CDH8: variants seen among roughly 807,000 people sequenced by gnomAD.
CDH8 encodes the protein cadherin-8.
CDH8 carries 17 observed loss-of-function variants against 68.1 expected under a neutral mutation model. The ratio of observed to expected loss-of-function variants is 0.25; its 90% CI spans 0.17 to 0.37. The LOEUF is 0.37. Among genes scored for constraint, CDH8 ranks in the 10% least tolerant of loss-of-function variants. CDH8 has a pLI of 1.00. For synonymous variants in CDH8, 372 were observed against 365.1 expected (o/e 1.02, Z -0.21); for missense variants, 763 against 999.3 (o/e 0.76, Z 3.19).
intron 7 of CDH8, among the ~76,000 whole-genome samples, chr16:61,808,372 TA>T (rs1433638309): frequency 6.6e-6 from 1 of 151,974 alleles, no homozygotes; most frequent in Non-Finnish European, 1.5e-5. Flanking sequence ...AAATTTATAA[TA>T]AAACCATGAA....
intron 3 of CDH8, among the ~76,000 whole-genome samples, chr16:61,862,690 T>C (rs1301385046): frequency 2.6e-5 from 4 of 152,168 alleles, no homozygotes; most frequent in African/African-American, 9.7e-5. Context: ...AAATGGATGT[T>C]TCGAGGTTAA....
Position 61,653,939 on chromosome 16 carries a change from C to T in CDH8, c.2069G>A (p.Gly690Glu). The T allele has an allele frequency of 1.9e-6, 3 of 1,614,164 alleles. No individual in the cohort carries two copies. Among genetic ancestry groups the T allele is most frequent in the South Asian group, 1.1e-5 (1 of 91,088 alleles). The change falls in exon 12 of 12, where the codon GGA becomes GAA. Residue 690 changes from glycine (G) to glutamate (E), a missense_variant. Physicochemically the swap from Gly to Glu is moderately conservative, Grantham distance 98 (BLOSUM62 -2). Around this residue, in one of 2 missense-constraint regions of CDH8, gnomAD observed 397 missense variants for 436.2 expected, o/e 0.91. Coordinates refer to ENST00000577390, the MANE Select transcript of CDH8 (RefSeq NM_001796.5). ...FDIATLQNPD[G>E]INGFLPRKDI... Reference sequence around the variant, plus strand: ...CTTACGGGGTAAAAATCCATTAATTCCATCTGGATTTTGTAAAGTTGCAAT... The same window carrying T: ...CTTACGGGGTAAAAATCCATTAATTTCATCTGGATTTTGTAAAGTTGCAAT...
chr16:61,973,963 C>T (rs1278217241), intron 2 of CDH8, among the ~76,000 whole-genome samples: 1 of 152,172 alleles, frequency 6.6e-6, no homozygotes, highest in Non-Finnish European at 1.5e-5. Flanking sequence ...ATCTAGTGAT[C>T]ACTAACCCTG....
At position 61,650,219 on chromosome 16, in the gene CDH8, T is replaced by C. The variant is rs139838154; in HGVS notation, c.*3389A>G. 1.7e-3 allele frequency: 257 copies of C among 152,224 alleles called. 1 individual carries two copies. Among genetic ancestry groups the C allele is most frequent in the African/African-American group, 6.0e-3 (248 of 41,548 alleles). 9.4% of individuals were successfully genotyped at this position (152,224 alleles called of 1,614,324 possible). A position where few individuals can be genotyped will look rare whatever the true frequency, so the allele number is the denominator to read the frequency against. ...TTAAGAAATGCCCCCCTTAATACTCTTTAATATTCATATATGGATGTTTAA... is the reference window on the plus strand; with the variant it reads ...TTAAGAAATGCCCCCCTTAATACTCCTTAATATTCATATATGGATGTTTAA... On this transcript the variant is annotated 3_prime_UTR_variant, in exon 12 of 12. Coordinates refer to ENST00000577390, the MANE Select transcript of CDH8 (RefSeq NM_001796.5).
chr16:61,739,093 C>T (rs757860772), intron 8 of CDH8, among the ~76,000 whole-genome samples: 2 of 152,094 alleles, frequency 1.3e-5, no homozygotes, highest in Admixed American at 1.3e-4. Context: ...TTCTACTCTG[C>T]CAACTGAGTT....
intron 10 of CDH8, 85 bp downstream of exon 10, chr16:61,713,756 A>C: frequency 1.4e-6 from 1 of 738,972 alleles, no homozygotes; most frequent in Non-Finnish European, 2.3e-6. Flanking sequence ...AAATTATCTT[A>C]ATGATAATTT....
chr16:61,953,922 TATATAA>T (rs1357103399), intron 2 of CDH8, among the ~76,000 whole-genome samples: 4 of 127,662 alleles, frequency 3.1e-5, no homozygotes, highest in Non-Finnish European at 5.0e-5. Flanking sequence ...TATATATATA[TATATAA>T]AATACCTTAA....
chr16:61,833,830 A>G (rs898986761), intron 4 of CDH8, among the ~76,000 whole-genome samples: 12 of 151,916 alleles, frequency 7.9e-5, no homozygotes, highest in African/African-American at 2.7e-4. Flanking sequence ...GCTGCCAAGA[A>G]GTCTTTCCAA....
chr16:61,795,581 T>C (rs184071437), intron 7 of CDH8, among the ~76,000 whole-genome samples: 2 of 152,022 alleles, frequency 1.3e-5, no homozygotes, highest in Non-Finnish European at 2.9e-5. Context: ...AATAAATAAA[T>C]ATAAATGATG....
chr16:61,721,513 T>G (rs1959217120), intron 9 of CDH8, among the ~76,000 whole-genome samples: 1 of 150,936 alleles, frequency 6.6e-6, no homozygotes, highest in Admixed American at 6.6e-5. Flanking sequence ...AAATAAAGTA[T>G]CAAACCCATT....
intron 2 of CDH8, among the ~76,000 whole-genome samples, chr16:61,959,488 T>C (rs574344620): frequency 1.3e-5 from 2 of 150,744 alleles, no homozygotes; most frequent in South Asian, 4.2e-4. Flanking sequence ...GGGACTCTAC[T>C]GGTTACTCGC....
intron 10 of CDH8, among the ~76,000 whole-genome samples, chr16:61,691,431 T>C (rs1964220944): frequency 6.6e-6 from 1 of 151,928 alleles, no homozygotes; most frequent in African/African-American, 2.4e-5. Flanking sequence ...CATCTCATTA[T>C]CCCTATAACA....
chr16:61,944,199 G>A (rs184529466), intron 2 of CDH8, among the ~76,000 whole-genome samples: 40 of 152,288 alleles, frequency 2.6e-4, no homozygotes, highest in Non-Finnish European at 4.7e-4. Context: ...AATATGTAAC[G>A]TCACAGTTCT....
chr16:61,941,645 T>A (rs1567537569), intron 2 of CDH8, among the ~76,000 whole-genome samples: 3 of 152,216 alleles, frequency 2.0e-5, no homozygotes, highest in African/African-American at 7.2e-5. Context: ...TTTCACTGTG[T>A]TGATCAGGCT....
Position 61,775,043 on chromosome 16 carries a change from T to C in CDH8, c.1414+14303A>G, listed in dbSNP as rs148363385. Among the ~76,000 whole-genome samples, 7 of 152,210 alleles carry C rather than the reference T, an allele frequency of 4.6e-5. No homozygotes were observed. In the East Asian group the frequency reaches 1.2e-3, roughly 25 times the overall value. ...ATTTAAGATGAAATTATAAAGAATC[T>C]ATAGTTAACCAATTGATGGCTGTTA... On this transcript the variant is annotated intron_variant, in intron 8 of 11. Coordinates refer to ENST00000577390, the MANE Select transcript of CDH8 (RefSeq NM_001796.5).
chr16:61,675,630 A>AT (rs1555501744), intron 10 of CDH8, among the ~76,000 whole-genome samples: 1 of 148,344 alleles, frequency 6.7e-6, no homozygotes, highest in African/African-American at 2.5e-5. Context: ...AAAAAAATAA[A>AT]AAAAAATAAA....
chr16:61,691,019 T>C (rs1019911725), intron 10 of CDH8, among the ~76,000 whole-genome samples: 6 of 151,956 alleles, frequency 3.9e-5, no homozygotes, highest in South Asian at 4.1e-4. Context: ...ACCAACCAAT[T>C]CTCCTTGTAT....
intron 1 of CDH8, among the ~76,000 whole-genome samples, chr16:62,023,885 A>T (rs960003212): frequency 6.6e-6 from 1 of 152,162 alleles, no homozygotes; most frequent in Non-Finnish European, 1.5e-5. Flanking sequence ...CATGTATGTT[A>T]TTCTCCAAAG....
At chr16:61,878,985 A>G (rs1284248112) in intron 3 of CDH8, among the ~76,000 whole-genome samples, 2 of 152,146 alleles carry the variant, frequency 1.3e-5, no homozygotes, top group Non-Finnish European at 2.9e-5. Context: ...TTACTTGAAG[A>G]TTTGATCCCT....
Sources: allele counts gnomAD v4.1 joint callset (sites outside exome capture counted in the v4.1 genomes callset), GRCh38; gene constraint gnomAD v4.1.1; regional missense constraint gnomAD v4.1.1; transcripts MANE v1.5; gene names NCBI Gene and HGNC (gene_info 2026-07-23, HGNC 2026-07-21).